GALNTL6: variants seen among roughly 807,000 people sequenced by gnomAD.
The protein encoded by GALNTL6 is polypeptide N-acetylgalactosaminyltransferase-like 6.
Under a neutral mutation model 73.7 loss-of-function variants are expected in GALNTL6, and 46 were observed. That is an observed-to-expected ratio of 0.62 (90% CI 0.49 to 0.80). The LOEUF (loss-of-function observed/expected upper bound fraction) is 0.80. GALNTL6 is among the 30% of genes least tolerant of loss of function. The pLI, the probability that GALNTL6 is intolerant of heterozygous loss-of-function variation, is 0.00. For missense variants in GALNTL6, 604 were observed against 755.0 expected (o/e 0.80, Z 2.34); for synonymous variants, 259 against 263.7 (o/e 0.98, Z 0.17).
At chr4:172,076,411 CA>C (rs1281830761) in intron 2 of GALNTL6, among the ~76,000 whole-genome samples, 2 of 152,104 alleles carry the variant, frequency 1.3e-5, no homozygotes, top group African/African-American at 4.8e-5. Flanking sequence ...AACATTCTTT[CA>C]ATTTTATAAT....
intron 2 of GALNTL6, among the ~76,000 whole-genome samples, chr4:172,072,203 C>T (rs1319342231): frequency 6.6e-6 from 1 of 151,994 alleles, no homozygotes; most frequent in Admixed American, 6.6e-5. Flanking sequence ...CTTATTTCTG[C>T]CTAGCTGTTT....
chr4:171,860,879 C>G (rs1409731095), intron 2 of GALNTL6, among the ~76,000 whole-genome samples: 1 of 152,082 alleles, frequency 6.6e-6, no homozygotes, highest in African/African-American at 2.4e-5. Context: ...TAAGATTTCT[C>G]CCATCTGCTG....
intron 2 of GALNTL6, among the ~76,000 whole-genome samples, chr4:171,993,571 G>A (rs149457075): frequency 6.6e-6 from 1 of 152,170 alleles, no homozygotes; most frequent in Non-Finnish European, 1.5e-5. Context: ...TGAATATTTA[G>A]CCAAATGATG....
At chr4:172,961,810 A>C (rs1457223698) in intron 10 of GALNTL6, among the ~76,000 whole-genome samples, 1 of 152,198 alleles carries the variant, frequency 6.6e-6, no homozygotes, top group Non-Finnish European at 1.5e-5. Context: ...CAGAGGTTGT[A>C]GGTGGATCTT....
At chr4:172,669,941 T>A (rs1731881549) in intron 5 of GALNTL6, among the ~76,000 whole-genome samples, 1 of 152,204 alleles carries the variant, frequency 6.6e-6, no homozygotes, top group African/African-American at 2.4e-5. Flanking sequence ...GTTTCTGTAT[T>A]AGTTTTCTTC....
intron 5 of GALNTL6, among the ~76,000 whole-genome samples, chr4:172,619,937 AATT>A (rs1472917758): frequency 2.6e-5 from 4 of 152,204 alleles, no homozygotes; most frequent in South Asian, 2.1e-4. Flanking sequence ...GTGTATAGGC[AATT>A]ATTATTACTT....
At chr4:172,886,003 AT>A (rs1230522567) in intron 8 of GALNTL6, among the ~76,000 whole-genome samples, 1 of 152,066 alleles carries the variant, frequency 6.6e-6, no homozygotes, top group Non-Finnish European at 1.5e-5. Context: ...TGGCCTATAG[AT>A]TTTTTTGTGT....
At chr4:172,024,943 A>C (rs13145045) in intron 2 of GALNTL6, among the ~76,000 whole-genome samples, 71,105 of 151,168 alleles carry the variant, frequency 0.47, 16,990 homozygotes, top group Admixed American at 0.56. Context: ...TAGATTGCTA[A>C]TAAGAAAAGT....
chr4:172,148,030 A>T (rs1186407603), intron 2 of GALNTL6, among the ~76,000 whole-genome samples: 1 of 152,196 alleles, frequency 6.6e-6, no homozygotes, highest in East Asian at 1.9e-4. Flanking sequence ...TGAATGTATG[A>T]TCAACTAAAG....
At chr4:172,271,630 T>G (rs541667789) in intron 3 of GALNTL6, among the ~76,000 whole-genome samples, 3 of 152,180 alleles carry the variant, frequency 2.0e-5, no homozygotes, top group African/African-American at 7.2e-5. Flanking sequence ...ATGTGTATAT[T>G]TATTCATTTA....
intron 9 of GALNTL6, among the ~76,000 whole-genome samples, chr4:172,943,468 T>C (rs1176722080): frequency 2.6e-5 from 4 of 152,232 alleles, no homozygotes; most frequent in Admixed American, 2.6e-4. Flanking sequence ...AAAATGTTTT[T>C]TATTGTTTTA....
intron 5 of GALNTL6, among the ~76,000 whole-genome samples, chr4:172,451,740 G>A (rs142066185): frequency 2.3e-3 from 355 of 152,188 alleles, no homozygotes; most frequent in African/African-American, 7.8e-3. Flanking sequence ...GTGCAGTGGC[G>A]CATGCCTGTA....
At chr4:171,835,638 T>C (rs1469367787) in intron 2 of GALNTL6, among the ~76,000 whole-genome samples, 2 of 151,958 alleles carry the variant, frequency 1.3e-5, no homozygotes, top group African/African-American at 4.8e-5. Context: ...CAATTGACAG[T>C]CTCTAATTAT....
intron 5 of GALNTL6, among the ~76,000 whole-genome samples, chr4:172,532,049 T>A (rs1403648178): frequency 6.6e-6 from 1 of 152,178 alleles, no homozygotes; most frequent in African/African-American, 2.4e-5. Flanking sequence ...GCGGCTGACG[T>A]GGGTAGATTC....
At chr4:172,875,188 TAA>T (rs1479379600) in intron 7 of GALNTL6, among the ~76,000 whole-genome samples, 7 of 152,196 alleles carry the variant, frequency 4.6e-5, no homozygotes, top group African/African-American at 1.7e-4. Context: ...ATCTGGCTAT[TAA>T]TGTTAATGTG....
At chr4:172,430,503 A>G (rs1477617860) in intron 5 of GALNTL6, among the ~76,000 whole-genome samples, 1 of 152,180 alleles carries the variant, frequency 6.6e-6, no homozygotes, top group Non-Finnish European at 1.5e-5. Context: ...CAAGTAAATT[A>G]ATTGGTTCAC....
intron 5 of GALNTL6, among the ~76,000 whole-genome samples, chr4:172,760,015 T>G (rs553060550): frequency 6.6e-6 from 1 of 151,104 alleles, no homozygotes; most frequent in Admixed American, 6.6e-5. Context: ...TTTTTGTATT[T>G]TTAGTAGAGA....
intron 5 of GALNTL6, among the ~76,000 whole-genome samples, chr4:172,779,105 T>C (rs1739236414): frequency 6.6e-6 from 1 of 152,176 alleles, no homozygotes; most frequent in South Asian, 2.1e-4. Context: ...TGTTCACTGC[T>C]GTATATACCC....
intron 12 of GALNTL6, among the ~76,000 whole-genome samples, chr4:173,027,272 C>T (rs375927511): frequency 3.3e-5 from 5 of 152,118 alleles, no homozygotes; most frequent in Non-Finnish European, 2.9e-5. Context: ...CGTGAGCCAC[C>T]GCGCCCAGCC....
Sources: gnomAD v4.1 joint callset for allele counts (sites outside exome capture counted in the v4.1 genomes callset) on GRCh38, gnomAD v4.1.1 for gene constraint, MANE v1.5 for transcripts, NCBI Gene and HGNC (gene_info 2026-07-23, HGNC 2026-07-21) for gene names.